Variants in DIAPH3 observed in about 807,000 individuals in gnomAD.
DIAPH3 encodes protein diaphanous homolog 3.
Under a neutral mutation model 144.3 loss-of-function variants are expected in DIAPH3, and 117 were observed. The observed-to-expected ratio is 0.81, with a 90% CI of 0.70 to 0.95. DIAPH3 has a LOEUF of 0.95. Ranked by LOEUF, DIAPH3 falls within the 40% of genes least tolerant of loss-of-function variation. The pLI is 0.00. For missense variants in DIAPH3, 1,421 were observed against 1,412.7 expected (o/e 1.01, Z -0.09); for synonymous variants, 519 against 488.9 (o/e 1.06, Z -0.81).
chr13:59,858,880 T>C (rs1380605201), intron 22 of DIAPH3, among the ~76,000 whole-genome samples: 1 of 152,150 alleles, frequency 6.6e-6, no homozygotes, highest in African/African-American at 2.4e-5. Context: ...TTGAAAATTG[T>C]CATACAGGTA....
intron 27 of DIAPH3, among the ~76,000 whole-genome samples, chr13:59,731,156 T>C (rs1396975001): frequency 1.3e-5 from 2 of 152,206 alleles, no homozygotes; most frequent in Admixed American, 6.5e-5. Context: ...CTCATTTGTT[T>C]CATTGACAGC....
chr13:60,036,991 G>A (rs1246410087), intron 5 of DIAPH3, among the ~76,000 whole-genome samples: 3 of 10,788 alleles, frequency 2.8e-4, no homozygotes, highest in African/African-American at 1.5e-3. Context: ...GAATAAAAAA[G>A]AAAGAAATCT....
chr13:59,969,559 A>G (rs2050239398), intron 17 of DIAPH3, among the ~76,000 whole-genome samples: 1 of 152,136 alleles, frequency 6.6e-6, no homozygotes, highest in Non-Finnish European at 1.5e-5. Flanking sequence ...TAGTCACTGT[A>G]ATATTAAAGG....
chr13:60,026,420 G>A (rs549774990), intron 5 of DIAPH3, among the ~76,000 whole-genome samples: 67 of 152,212 alleles, frequency 4.4e-4, no homozygotes, highest in African/African-American at 1.4e-3. Context: ...TTTTTTAGCA[G>A]AAGAATACTT....
chr13:60,035,204 G>A (rs756523871), intron 5 of DIAPH3, among the ~76,000 whole-genome samples: 4 of 152,036 alleles, frequency 2.6e-5, no homozygotes, highest in African/African-American at 7.2e-5. Context: ...TAGAATACAC[G>A]TGTCTGTTAA....
At chr13:59,899,200 C>G (rs1353755902) in intron 20 of DIAPH3, among the ~76,000 whole-genome samples, 1 of 152,166 alleles carries the variant, frequency 6.6e-6, no homozygotes, top group East Asian at 1.9e-4. Context: ...CCTTGCTCTT[C>G]AGCTTGCAGA....
intron 27 of DIAPH3, chr13:59,696,256 G>T (rs573350937): frequency 3.9e-5 from 6 of 152,102 alleles, no homozygotes; most frequent in Non-Finnish European, 8.8e-5. Context: ...ATAGCTCAAT[G>T]GATTTCATAT....
rs571145626 is a variant in DIAPH3 at position 59,815,048 on chromosome 13, C to T, written c.3028-4125G>A. On this transcript the variant is annotated intron_variant, in intron 24 of 27. Transcript: ENST00000400324. The stretch of plus-strand genomic sequence containing the variant: ...TTTTCATTTAAGTCTGAATAGTATT[C>T]CATTGTGTATATGAACCACATTTTA... 4.6e-5 allele frequency among the ~76,000 whole-genome samples: 7 copies of T among 152,192 alleles called. No individual in the cohort carries two copies. In the East Asian group the frequency reaches 1.4e-3, roughly 29 times the overall value.
chr13:59,895,684 C>G (rs1415006323), intron 20 of DIAPH3, among the ~76,000 whole-genome samples: 1 of 152,188 alleles, frequency 6.6e-6, no homozygotes, highest in Non-Finnish European at 1.5e-5. Flanking sequence ...AAAGTTGATT[C>G]TGAGTATCTC....
intron 24 of DIAPH3, among the ~76,000 whole-genome samples, chr13:59,827,282 A>G (rs1243984967): frequency 6.6e-6 from 1 of 152,176 alleles, no homozygotes; most frequent in Non-Finnish European, 1.5e-5. Context: ...CAACCTACTC[A>G]TCTGACAAAG....
intron 24 of DIAPH3, among the ~76,000 whole-genome samples, chr13:59,827,996 T>C (rs932966003): frequency 6.6e-6 from 1 of 152,004 alleles, no homozygotes; most frequent in African/African-American, 2.4e-5. Flanking sequence ...TAGCATGCAG[T>C]GAATCTAAAA....
At chr13:59,956,492 G>C (rs1566570341) in intron 17 of DIAPH3, among the ~76,000 whole-genome samples, 1 of 152,202 alleles carries the variant, frequency 6.6e-6, no homozygotes, top group Non-Finnish European at 1.5e-5. Flanking sequence ...ACTGAGGTTT[G>C]GGAACCTCCA....
intron 1 of DIAPH3, among the ~76,000 whole-genome samples, chr13:60,139,389 A>G (rs1434983524): frequency 1.3e-5 from 2 of 152,226 alleles, no homozygotes; most frequent in African/African-American, 4.8e-5. Flanking sequence ...CTGCTCATTT[A>G]TTCAAAACTG....
At chr13:60,074,427 G>A (rs767210093) in intron 4 of DIAPH3, among the ~76,000 whole-genome samples, 23 of 152,148 alleles carry the variant, frequency 1.5e-4, no homozygotes, top group Non-Finnish European at 2.2e-4. Flanking sequence ...GAAGATTGAC[G>A]TGATCCGAGG....
chr13:59,902,326 C>G (rs1483782018), intron 20 of DIAPH3, among the ~76,000 whole-genome samples: 2 of 151,898 alleles, frequency 1.3e-5, no homozygotes, highest in Non-Finnish European at 2.9e-5. Flanking sequence ...TGTGTTGCAC[C>G]CCCCTCCCAC....
At chr13:59,890,015 T>C (rs948874163) in intron 20 of DIAPH3, among the ~76,000 whole-genome samples, 1 of 152,128 alleles carries the variant, frequency 6.6e-6, no homozygotes, top group African/African-American at 2.4e-5. Context: ...AATATGCTAA[T>C]GAAGTGTTAA....
At chr13:59,778,918 CATTTTT>C (rs1292317107) in intron 25 of DIAPH3, among the ~76,000 whole-genome samples, 1 of 152,034 alleles carries the variant, frequency 6.6e-6, no homozygotes, top group Non-Finnish European at 1.5e-5. Flanking sequence ...CTCTTTTTTT[CATTTTT>C]ATTTTTAATT....
At position 60,163,806 on chromosome 13, in the gene DIAPH3, C is replaced by T. The variant is rs958098417; in HGVS notation, c.-40G>A. On this transcript the variant is annotated 5_prime_UTR_variant, in exon 1 of 28. In the 5' UTR this introduces an upstream ATG that the reference lacks. Transcript: ENST00000400324. ...CCGGGGACCGGAAAGAAGGTGGCCA[C>T]TCAGCAAGCCGCAAGCTGGAAGCTG... The T allele has an allele frequency of 3.9e-6, 6 of 1,540,396 alleles. No individual in the cohort carries two copies. Among genetic ancestry groups the T allele is most frequent in the Non-Finnish European group, 5.2e-6 (6 of 1,147,056 alleles).
At chr13:59,772,795 T>TG (rs2038192144) in intron 27 of DIAPH3, among the ~76,000 whole-genome samples, 1 of 151,986 alleles carries the variant, frequency 6.6e-6, no homozygotes, top group Non-Finnish European at 1.5e-5. Flanking sequence ...TGACTTAAAG[T>TG]GGGGGCTGAG....
Sources: gnomAD v4.1 joint callset for allele counts (sites outside exome capture counted in the v4.1 genomes callset) on GRCh38, gnomAD v4.1.1 for gene constraint, MANE v1.5 for transcripts, NCBI Gene and HGNC (gene_info 2026-07-23, HGNC 2026-07-21) for gene names.